Variants in RAPGEF6 observed in about 807,000 individuals in gnomAD.
The protein encoded by RAPGEF6 is Rap guanine nucleotide exchange factor 6.
In RAPGEF6, 56 loss-of-function variants were observed where a neutral mutation model predicts 171.4. The observed-to-expected ratio is 0.33, with a 90% CI of 0.26 to 0.41. The LOEUF is 0.41. RAPGEF6 is among the 10% of genes least tolerant of loss of function. The probability of loss-of-function intolerance (pLI) is 1.00; values close to 1 mark genes in which losing one functional copy is unlikely to be tolerated. For missense variants in RAPGEF6, 1,674 were observed against 1,921.4 expected (o/e 0.87, Z 2.41); for synonymous variants, 692 against 650.1 (o/e 1.06, Z -0.98).
rs765100953 is a variant in RAPGEF6, at chr5:131,426,334, T to C, written c.*932A>G. On this transcript the variant is annotated 3_prime_UTR_variant, in exon 28 of 28. Coordinates refer to ENST00000509018, the MANE Select transcript of RAPGEF6 (RefSeq NM_016340.6). ...AAAAAAGTATTCCATACTTGAGTTA[T>C]GAGAGATTTTAGTTTTGGGTTTCTA... 4 of 152,390 alleles carry C rather than the reference T, an allele frequency of 2.6e-5. No homozygotes were observed. The highest frequency in any genetic ancestry group is 6.5e-5 in the Admixed American group (1 of 15,280). The allele number at this position is 152,390 out of a possible 1,614,324, so 9.4% of individuals were successfully genotyped here.
At chr5:131,535,674 A>G (rs764253887) in intron 6 of RAPGEF6, among the ~76,000 whole-genome samples, 2 of 152,202 alleles carry the variant, frequency 1.3e-5, no homozygotes, top group Admixed American at 6.5e-5. Flanking sequence ...TCAAATCATG[A>G]CAAAATACTT....
chr5:131,440,266 T>G (rs2149812229), intron 23 of RAPGEF6: 1 of 456,090 alleles, frequency 2.2e-6, no homozygotes, highest in Admixed American at 2.4e-5. Flanking sequence ...AAATCATGAA[T>G]GTATAGAAAA....
intron 6 of RAPGEF6, among the ~76,000 whole-genome samples, chr5:131,529,042 C>G (rs868695196): frequency 6.6e-6 from 1 of 151,582 alleles, no homozygotes; most frequent in South Asian, 2.1e-4. Context: ...TCACCTCAAA[C>G]AAGCAACTCT....
At chr5:131,495,976 A>C (rs1475174336) in intron 12 of RAPGEF6, among the ~76,000 whole-genome samples, 1 of 152,208 alleles carries the variant, frequency 6.6e-6, no homozygotes, top group Non-Finnish European at 1.5e-5. Flanking sequence ...AAAGCAGGCA[A>C]TCCTATCAAT....
chr5:131,452,184 C>T (rs1169862556), intron 21 of RAPGEF6, among the ~76,000 whole-genome samples: 1 of 148,116 alleles, frequency 6.8e-6, no homozygotes, highest in Non-Finnish European at 1.5e-5. Context: ...TGCGCCTCTG[C>T]ACTCCAGCCT....
intron 4 of RAPGEF6, among the ~76,000 whole-genome samples, chr5:131,568,396 T>G (rs1025370017): frequency 6.6e-6 from 1 of 152,028 alleles, no homozygotes; most frequent in Non-Finnish European, 1.5e-5. Flanking sequence ...AGTGGCATGA[T>G]CATAGCTCAC....
At chr5:131,487,618 C>T (rs867752016) in intron 15 of RAPGEF6, among the ~76,000 whole-genome samples, 89 of 151,954 alleles carry the variant, frequency 5.9e-4, no homozygotes, top group African/African-American at 2.1e-3. Flanking sequence ...AGACCCAGAG[C>T]GCTGATTGGT....
chr5:131,472,396 T>C (rs1343330171), intron 17 of RAPGEF6, 191 bp downstream of exon 17: 2 of 731,030 alleles, frequency 2.7e-6, no homozygotes, highest in African/African-American at 3.5e-5. Flanking sequence ...TTTATGTACT[T>C]CTGTTTCACT....
rs778921039 is a variant in RAPGEF6, at chr5:131,479,538, T to C, written c.2056A>G (p.Ser686Gly). Reference protein sequence around the residue: ...IRKILDKTRFSILPPKLFSDG... With the variant: ...IRKILDKTRFGILPPKLFSDG... ...CTAAATAGCTTTGGAGGCAAGATAC[T>C]AAATCGTGTTTTATCCAAAATCTTC... The change falls in exon 16 of 28, where the codon AGT becomes GGT. Residue 686 changes from serine to glycine, a missense_variant. Physicochemically the swap from Ser to Gly is moderately conservative, Grantham distance 56. Around this residue, in one of 3 missense-constraint regions of RAPGEF6, gnomAD observed 1,116 missense variants for 1,321.5 expected, o/e 0.84. Coordinates refer to ENST00000509018, the MANE Select transcript of RAPGEF6 (RefSeq NM_016340.6). The C allele has an allele frequency of 2.4e-5, 38 of 1,613,914 alleles. No homozygotes were observed. Among genetic ancestry groups the C allele is most frequent in the Non-Finnish European group, 2.8e-5 (33 of 1,179,972 alleles).
chr5:131,505,812 T>C (rs1757337292), intron 9 of RAPGEF6, among the ~76,000 whole-genome samples: 1 of 152,188 alleles, frequency 6.6e-6, no homozygotes, highest in African/African-American at 2.4e-5. Flanking sequence ...TATTAATCCA[T>C]ACCATGCCAC....
intron 1 of RAPGEF6, among the ~76,000 whole-genome samples, chr5:131,614,454 C>T (rs1765148193): frequency 6.6e-6 from 1 of 152,082 alleles, no homozygotes; most frequent in Non-Finnish European, 1.5e-5. Flanking sequence ...GAAGCAAGCA[C>T]ATCTCGACAT....
intron 1 of RAPGEF6, among the ~76,000 whole-genome samples, chr5:131,622,648 C>CA (rs1036882317): frequency 6.6e-6 from 1 of 152,170 alleles, no homozygotes; most frequent in Non-Finnish European, 1.5e-5. Flanking sequence ...ATCTCCAACA[C>CA]ACGTAAAATG....
At chr5:131,542,386 T>C (rs957102814) in intron 6 of RAPGEF6, among the ~76,000 whole-genome samples, 3 of 152,158 alleles carry the variant, frequency 2.0e-5, no homozygotes, top group African/African-American at 4.8e-5. Context: ...TTAATCCTTT[T>C]ACAAATCTAT....
At position 131,431,125 on chromosome 5, in the gene RAPGEF6, A is replaced by C; in HGVS notation, c.4199T>G (p.Ile1400Ser). The C allele has an allele frequency of 6.2e-7, 1 of 1,614,194 alleles. No individual in the cohort carries two copies. The highest frequency in any genetic ancestry group is 8.5e-7 in the Non-Finnish European group (1 of 1,180,030). The change falls in exon 26 of 28, where the codon ATT becomes AGT. Residue 1400 changes from isoleucine to serine, a missense_variant. This residue lies in a region of RAPGEF6 where 552 missense variants were observed against 574.2 expected (regional missense o/e 0.96). Coordinates refer to ENST00000509018, the MANE Select transcript of RAPGEF6 (RefSeq NM_016340.6). Reference protein sequence around the residue: ...SYRHTHLDDPIAEVEPTDSEP... With the variant: ...SYRHTHLDDPSAEVEPTDSEP... The stretch of plus-strand genomic sequence containing the variant: ...AGAGTCAGTGGGTTCAACTTCAGCA[A>C]TGGGGTCATCCAAATGGGTATGTCT...
rs1386375889 is a variant in RAPGEF6 at position 131,494,552 on chromosome 5, ATAGTC to A, written c.1527+996_1527+1000del. Among the ~76,000 whole-genome samples the A allele has an allele frequency of 4.6e-5, 7 of 152,344 alleles. No homozygotes were observed. The South Asian group carries it at 1.4e-3, about 32-fold the overall frequency. On this transcript the variant is annotated intron_variant, in intron 13 of 27. Coordinates refer to ENST00000509018, the MANE Select transcript of RAPGEF6 (RefSeq NM_016340.6). ...TCTGGATGCAGAACTGGAAAATAAA[ATAGTC>A]TGATTTGGCTATAATCTAGGGTACA...
chr5:131,428,904 T>C lies in RAPGEF6; in HGVS notation c.4778A>G (p.Asp1593Gly), dbSNP rs775351774. Residue 1593 changes from aspartate to glycine, a missense_variant and splice_region_variant, in exon 27 of 28, where the codon GAT becomes GGT. Coordinates refer to ENST00000509018, the MANE Select transcript of RAPGEF6 (RefSeq NM_016340.6). ...GDVTDADSEA[D>G]ENEQVSAV ...TTTAAGAGAGCTTGTCAACATACCA[T>C]CTGCTTCGCTATCTGCATCAGTCAC... 1.9e-6 allele frequency: 3 copies of C among 1,611,822 alleles called. No individual in the cohort carries two copies. Among genetic ancestry groups the C allele is most frequent in the Non-Finnish European group, 2.5e-6 (3 of 1,178,052 alleles).
At chr5:131,442,002 T>G (rs986841878) in intron 23 of RAPGEF6, among the ~76,000 whole-genome samples, 8 of 152,224 alleles carry the variant, frequency 5.3e-5, no homozygotes, top group Non-Finnish European at 7.3e-5. Context: ...ATTTTTGGAA[T>G]AAGCAACTTC....
intron 4 of RAPGEF6, among the ~76,000 whole-genome samples, chr5:131,577,973 A>G (rs1426389600): frequency 6.6e-6 from 1 of 151,188 alleles, no homozygotes; most frequent in Non-Finnish European, 1.5e-5. Flanking sequence ...CATCCCTACT[A>G]TCTTCTGTCT....
At chr5:131,594,308 A>T (rs1763761350) in intron 3 of RAPGEF6, among the ~76,000 whole-genome samples, 1 of 152,272 alleles carries the variant, frequency 6.6e-6, no homozygotes, top group East Asian at 1.9e-4. Flanking sequence ...CAGAGGCTGC[A>T]AGCCTCAAGC....
Sources: allele counts gnomAD v4.1 joint callset (sites outside exome capture counted in the v4.1 genomes callset), GRCh38; gene constraint gnomAD v4.1.1; regional missense constraint gnomAD v4.1.1; transcripts MANE v1.5; gene names NCBI Gene and HGNC (gene_info 2026-07-23, HGNC 2026-07-21).